Variants in MOK observed in about 807,000 individuals in gnomAD.
MOK encodes the protein MOK protein kinase.
Under a neutral mutation model 54.2 loss-of-function variants are expected in MOK, and 59 were observed. That is an observed-to-expected ratio of 1.09 (90% CI 0.88 to 1.35). The LOEUF (loss-of-function observed/expected upper bound fraction) is 1.35, where lower values mean the gene tolerates loss of function less well. Ranked by LOEUF, MOK falls within the 40% of genes most tolerant of loss-of-function variation. The pLI is 0.00. For synonymous variants in MOK, 210 were observed against 202.7 expected, an observed-to-expected ratio of 1.04 and a Z score of -0.31; for missense variants, 517 against 526.2, an observed-to-expected ratio of 0.98 and a Z score of 0.17.
At chr14:102,301,587 T>G (rs1007103776) in intron 1 of MOK, among the ~76,000 whole-genome samples, 23 of 152,228 alleles carry the variant, frequency 1.5e-4, no homozygotes, top group Admixed American at 1.4e-3. Flanking sequence ...TCACTTTTCC[T>G]GATCATTCTA....
chr14:102,266,207 G>A (rs933880203), intron 2 of MOK, among the ~76,000 whole-genome samples: 3 of 151,874 alleles, frequency 2.0e-5, no homozygotes, highest in Non-Finnish European at 2.9e-5. Context: ...TAAAACTTAT[G>A]ATTAATTAAT....
intron 1 of MOK, among the ~76,000 whole-genome samples, chr14:102,286,915 T>A (rs1023599052): frequency 3.2e-4 from 42 of 129,424 alleles, no homozygotes; most frequent in African/African-American, 1.3e-3. Flanking sequence ...GTCTCAAAAA[T>A]AATAATAATA....
downstream of MOK, among the ~76,000 whole-genome samples, chr14:102,220,500 G>A (rs1331959161): frequency 6.6e-6 from 1 of 152,176 alleles, no homozygotes; most frequent in African/African-American, 2.4e-5. The surrounding 1 kb of genome is among the most constrained non-coding windows in gnomAD (Gnocchi z 4.2). Flanking sequence ...AAGGCAGGTG[G>A]ATCACGAGGT....
At chr14:102,276,355 G>A (rs1441560934) in intron 2 of MOK, among the ~76,000 whole-genome samples, 1 of 152,066 alleles carries the variant, frequency 6.6e-6, no homozygotes, top group Non-Finnish European at 1.5e-5. Context: ...CGGGCGTGGT[G>A]GCGGGCGCCT....
At chr14:102,229,412 C>T in intron 11 of MOK, 45 bp downstream of exon 11, 1 of 1,614,110 alleles carries the variant, frequency 6.2e-7, no homozygotes, top group Non-Finnish European at 8.5e-7. Flanking sequence ...GCGGCCTGGG[C>T]TGGGTCGAAG....
chr14:102,249,045 GT>G lies in MOK; in HGVS notation c.590+1766del, dbSNP rs1180688898. On this transcript the variant is annotated intron_variant, in intron 7 of 11. Coordinates refer to ENST00000361847, the MANE Select transcript of MOK (RefSeq NM_014226.3). This position sits in a 1 kb window ranked among gnomAD's most constrained non-coding sequence, Gnocchi z 5.3. ...GAACGCGAGGAACTCAGCCTGGCGT[GT>G]GCAGCGACCCTCACCACACGGAACA... 6.6e-6 allele frequency among the ~76,000 whole-genome samples: 1 copy of G among 151,932 alleles called. No individual in the cohort carries two copies. The highest frequency in any genetic ancestry group is 1.5e-5 in the Non-Finnish European group (1 of 67,992).
downstream of MOK, among the ~76,000 whole-genome samples, chr14:102,228,441 AATCCC>A (rs983934299): frequency 3.3e-5 from 5 of 152,194 alleles, no homozygotes; most frequent in Non-Finnish European, 2.9e-5. Context: ...TCATGCCTGT[AATCCC>A]AGCACTTTGG....
At chr14:102,259,349 A>C (rs981090048) in intron 4 of MOK, among the ~76,000 whole-genome samples, 4 of 152,156 alleles carry the variant, frequency 2.6e-5, no homozygotes, top group African/African-American at 9.7e-5. Flanking sequence ...TTCACTAAAG[A>C]AGCATCATCA....
At chr14:102,246,993 C>T (rs1478480909) in intron 7 of MOK, among the ~76,000 whole-genome samples, 1 of 152,096 alleles carries the variant, frequency 6.6e-6, no homozygotes, top group African/African-American at 2.4e-5. Flanking sequence ...ACACCTCCCA[C>T]CTCCTTAACA....
chr14:102,239,172 G>C (rs1032578319), intron 7 of MOK, among the ~76,000 whole-genome samples: 2 of 152,068 alleles, frequency 1.3e-5, no homozygotes, highest in Non-Finnish European at 2.9e-5. Flanking sequence ...AGCATCCAGT[G>C]GCACCTCCAT....
chr14:102,252,846 T>C (rs1190729331), intron 4 of MOK, among the ~76,000 whole-genome samples: 1 of 152,176 alleles, frequency 6.6e-6, no homozygotes, highest in Non-Finnish European at 1.5e-5. Flanking sequence ...TCCAGACATG[T>C]CCACGGCTAT....
intron 2 of MOK, among the ~76,000 whole-genome samples, chr14:102,269,205 G>A (rs901708328): frequency 7.6e-6 from 1 of 130,750 alleles, no homozygotes; most frequent in African/African-American, 2.8e-5. Flanking sequence ...TTTTTTTTTT[G>A]AGACAAAATC....
downstream of MOK, chr14:102,223,029 ACT>A (rs2064097020): frequency 1.1e-6 from 1 of 898,834 alleles, no homozygotes; most frequent in Non-Finnish European, 1.7e-6. Flanking sequence ...TGACCGGCTC[ACT>A]CTGCGGCGCC....
rs200133600 is a variant in MOK, at chr14:102,245,329, C to A, written c.590+5483G>T. Among the ~76,000 whole-genome samples the A allele has an allele frequency of 9.2e-5, 14 of 151,982 alleles. No homozygotes were observed. Among genetic ancestry groups the A allele is most frequent in the Non-Finnish European group, 2.1e-4 (14 of 67,990 alleles). On this transcript the variant is annotated intron_variant, in intron 7 of 11. Transcript: ENST00000361847. This position sits in a 1 kb window ranked among gnomAD's most constrained non-coding sequence, Gnocchi z 4.3. The stretch of plus-strand genomic sequence containing the variant: ...CCCATTATCTCTTCATACCACCCCC[C>A]CAAAAATTTTCACTGCCCCAACACT...
chr14:102,266,066 C>T (rs2067879879), intron 2 of MOK, among the ~76,000 whole-genome samples, 154 bp from the exon 3 acceptor site: 1 of 152,134 alleles, frequency 6.6e-6, no homozygotes, highest in Admixed American at 6.6e-5. Context: ...TGAAGTTAAG[C>T]ATACCTCATT....
At chr14:102,295,912 G>C (rs572183183) in intron 1 of MOK, among the ~76,000 whole-genome samples, 1 of 152,160 alleles carries the variant, frequency 6.6e-6, no homozygotes, top group East Asian at 1.9e-4. Flanking sequence ...AAGATGGGAG[G>C]ATCACTTCAG....
At position 102,279,734 on chromosome 14, in the gene MOK, CCTAA is replaced by C. The variant is rs537793441; in HGVS notation, c.122+3740_122+3743del. On this transcript the variant is annotated intron_variant, in intron 2 of 11. Coordinates refer to ENST00000361847, the MANE Select transcript of MOK (RefSeq NM_014226.3). Reference sequence around the variant, plus strand: ...CAGGCAAGTAACTAACTTCCTTATCCCTAACTAAGTCCTTGAGTGACTCAAAAGG... The same window carrying C: ...CAGGCAAGTAACTAACTTCCTTATCCCTAAGTCCTTGAGTGACTCAAAAGG... Among the ~76,000 whole-genome samples, 415 of 152,166 alleles carry C rather than the reference CCTAA, an allele frequency of 2.7e-3. 5 individuals carry two copies. Among genetic ancestry groups the C allele is most frequent in the African/African-American group, 9.2e-3 (382 of 41,516 alleles).
At chr14:102,287,902 G>A (rs540215808) in intron 1 of MOK, among the ~76,000 whole-genome samples, 7 of 147,446 alleles carry the variant, frequency 4.7e-5, no homozygotes, top group East Asian at 4.0e-4. Flanking sequence ...GCGCAATCTC[G>A]GCTCACTGCA....
chr14:102,248,035 C>G (rs1372164000), intron 7 of MOK, among the ~76,000 whole-genome samples: 1 of 152,212 alleles, frequency 6.6e-6, no homozygotes, highest in Non-Finnish European at 1.5e-5. Flanking sequence ...AGAATACCAA[C>G]AGCTCCAAGA....
Sources: allele counts gnomAD v4.1 joint callset (sites outside exome capture counted in the v4.1 genomes callset), GRCh38; gene constraint gnomAD v4.1.1; non-coding constraint Gnocchi (gnomAD v3.1); transcripts MANE v1.5; gene names NCBI Gene and HGNC (gene_info 2026-07-23, HGNC 2026-07-21).